The following KDM4B variants were observed in gnomAD, a reference collection of about 807,000 sequenced individuals.
KDM4B encodes lysine-specific demethylase 4B.
Under a neutral mutation model 125.2 loss-of-function variants are expected in KDM4B, and 32 were observed. That is an observed-to-expected ratio of 0.26 (90% CI 0.19 to 0.34). KDM4B has a LOEUF of 0.34. Among genes scored for constraint, KDM4B ranks in the 10% least tolerant of loss-of-function variants. The probability of loss-of-function intolerance (pLI) is 1.00; values close to 1 mark genes in which losing one functional copy is unlikely to be tolerated. For synonymous variants in KDM4B, 721 were observed against 677.9 expected, an observed-to-expected ratio of 1.06 and a Z score of -0.99; for missense variants, 1,190 against 1,577.7, an observed-to-expected ratio of 0.75 and a Z score of 4.16.
At chr19:5,134,689 C>T (rs187365385) in intron 14 of KDM4B, among the ~76,000 whole-genome samples, 305 of 152,342 alleles carry the variant, frequency 2.0e-3, no homozygotes, top group Non-Finnish European at 2.6e-3. Context: ...TAGCCCCATG[C>T]CAAGCATGTC....
intron 1 of KDM4B, among the ~76,000 whole-genome samples, chr19:4,990,546 T>C (rs1250655777): frequency 6.6e-6 from 1 of 152,080 alleles, no homozygotes; most frequent in Non-Finnish European, 1.5e-5. Context: ...GGAGAGCTCA[T>C]CTAGAGGTCA....
At chr19:5,003,676 G>A (rs1311616035) in intron 1 of KDM4B, among the ~76,000 whole-genome samples, 1 of 152,060 alleles carries the variant, frequency 6.6e-6, no homozygotes, top group Non-Finnish European at 1.5e-5. Flanking sequence ...GGGCATGGTG[G>A]TGGGCGCCTG....
chr19:4,970,287 T>G (rs555561902), intron 1 of KDM4B, among the ~76,000 whole-genome samples: 14 of 152,358 alleles, frequency 9.2e-5, no homozygotes, highest in African/African-American at 3.4e-4. Flanking sequence ...GCTTCTGTTT[T>G]AATAATTTAC....
chr19:5,100,647 C>T (rs1047513779), intron 9 of KDM4B, among the ~76,000 whole-genome samples: 1 of 152,110 alleles, frequency 6.6e-6, no homozygotes, highest in African/African-American at 2.4e-5. Flanking sequence ...TTGAACTGAC[C>T]TCAAGTGATC....
intron 1 of KDM4B, among the ~76,000 whole-genome samples, chr19:5,002,066 C>T (rs780966806): frequency 1.2e-4 from 18 of 151,424 alleles, no homozygotes; most frequent in Admixed American, 5.3e-4. Context: ...GGCACAATCT[C>T]AGCTCATTGC....
chr19:5,119,275 T>G (rs1042388895), intron 10 of KDM4B: 18 of 1,194,590 alleles, frequency 1.5e-5, no homozygotes, highest in Non-Finnish European at 2.1e-5. Context: ...AGCTGCTGTT[T>G]CCCTCGGAGC....
chr19:5,004,216 AG>A (rs1450169723), intron 1 of KDM4B, among the ~76,000 whole-genome samples: 1 of 152,134 alleles, frequency 6.6e-6, no homozygotes, highest in Non-Finnish European at 1.5e-5. Context: ...TTCTGGGGGA[AG>A]GAGACTCGTG....
At position 5,089,078 on chromosome 19, in the gene KDM4B, C is replaced by T. The variant is rs532022551; in HGVS notation, c.918+6574C>T. ...GTGACAACGGATGGGGACGGGTTTTCTTTGGAGGATGAAAATGCTCTACCT... is the reference window on the plus strand; with the variant it reads ...GTGACAACGGATGGGGACGGGTTTTTTTTGGAGGATGAAAATGCTCTACCT... On this transcript the variant is annotated intron_variant, in intron 9 of 22. Coordinates refer to ENST00000159111, the MANE Select transcript of KDM4B (RefSeq NM_015015.3). 4.1e-4 allele frequency among the ~76,000 whole-genome samples: 63 copies of T among 152,240 alleles called. 1 individual carries two copies. The South Asian group carries it at 0.012, about 29-fold the overall frequency.
intron 11 of KDM4B, among the ~76,000 whole-genome samples, chr19:5,128,512 A>G (rs2039487537): frequency 6.6e-6 from 1 of 152,192 alleles, no homozygotes; most frequent in African/African-American, 2.4e-5. Context: ...GGCAGGCGCT[A>G]TCATGGACGA....
chr19:5,144,172 C>T lies in KDM4B; in HGVS notation c.2736+20C>T, dbSNP rs1159189199. The T allele has an allele frequency of 1.3e-6, 2 of 1,592,990 alleles. No homozygotes were observed. The highest frequency in any genetic ancestry group is 8.6e-7 in the Non-Finnish European group (1 of 1,165,398). On this transcript the variant is annotated intron_variant, in intron 19 of 22. Coordinates refer to ENST00000159111, the MANE Select transcript of KDM4B (RefSeq NM_015015.3). ...CACGCTGTGAGTGCCTGCCCGCCTCCTTGCCCCCAGCCCCTGGCTCCCGCC... is the reference window on the plus strand; with the variant it reads ...CACGCTGTGAGTGCCTGCCCGCCTCTTTGCCCCCAGCCCCTGGCTCCCGCC...
chr19:5,026,062 T>C (rs1599443831), intron 2 of KDM4B, among the ~76,000 whole-genome samples: 1 of 150,874 alleles, frequency 6.6e-6, no homozygotes, highest in African/African-American at 2.4e-5. Flanking sequence ...TTTGTATTTT[T>C]AGTAGAGATG....
At chr19:4,987,968 C>T (rs2034897542) in intron 1 of KDM4B, among the ~76,000 whole-genome samples, 1 of 152,164 alleles carries the variant, frequency 6.6e-6, no homozygotes, top group Admixed American at 6.5e-5. Flanking sequence ...GGTTTCACGC[C>T]CCCAGCTCGG....
chr19:5,151,289 A>G, intron 22 of KDM4B, 46 bp from the exon 23 acceptor site: 1 of 1,407,112 alleles, frequency 7.1e-7, no homozygotes, highest in Non-Finnish European at 9.4e-7. Flanking sequence ...GGGGCCGCAC[A>G]GAGTGTCTCC....
chr19:5,056,792 G>A (rs970311722), intron 6 of KDM4B, among the ~76,000 whole-genome samples: 33 of 152,052 alleles, frequency 2.2e-4, no homozygotes, highest in African/African-American at 7.5e-4. Flanking sequence ...TGTGTCACTC[G>A]AGGAGTGTGG....
rs755972068 is a variant in KDM4B at position 5,133,983 on chromosome 19, C to T, written c.2007C>T (p.Ala669=). ...AGAACAGGGCGGCCAGCTTCCAGGC[C>T]GAGAGGAAGTTCAACGCAGCGGCTG... ...QWKNRAASFQ[A]ERKFNAAAAR... The change falls in exon 14 of 23, where the codon GCC becomes GCT. Residue 669 remains alanine, a synonymous_variant. Coordinates refer to ENST00000159111, the MANE Select transcript of KDM4B (RefSeq NM_015015.3). The T allele has an allele frequency of 7.4e-6, 12 of 1,612,596 alleles. No individual in the cohort carries two copies. Among genetic ancestry groups the T allele is most frequent in the East Asian group, 4.5e-5 (2 of 44,876 alleles).
At chr19:5,145,535 C>A (rs1408476312) in intron 21 of KDM4B, among the ~76,000 whole-genome samples, 1 of 151,300 alleles carries the variant, frequency 6.6e-6, no homozygotes, top group Non-Finnish European at 1.5e-5. Context: ...GAGCCGAGAT[C>A]ACACCACTGC....
rs779358176 is a variant in KDM4B, at chr19:4,997,270, C to T, written c.-108-18987C>T. Among the ~76,000 whole-genome samples the T allele has an allele frequency of 4.1e-4, 62 of 152,110 alleles. No individual in the cohort carries two copies. Among genetic ancestry groups the T allele is most frequent in the Admixed American group, 6.5e-5 (1 of 15,276 alleles). ...TAGTTTTATTTTTGGTGCGTTGTTA[C>T]ATAGGATGTTTTCAAGTTGCCTGAT... On this transcript the variant is annotated intron_variant, in intron 1 of 22. Coordinates refer to ENST00000159111, the MANE Select transcript of KDM4B (RefSeq NM_015015.3). This position sits in a 1 kb window ranked among gnomAD's most constrained non-coding sequence, Gnocchi z 4.2.
intron 9 of KDM4B, among the ~76,000 whole-genome samples, chr19:5,093,699 C>T (rs1029794862): frequency 4.6e-5 from 7 of 152,184 alleles, no homozygotes; most frequent in African/African-American, 1.7e-4. Context: ...GACAGATGGT[C>T]GAGATGGCTG....
rs376425769 is a variant in KDM4B at position 5,133,830 on chromosome 19, C to T, written c.1907-53C>T. 8.3e-5 allele frequency: 131 copies of T among 1,585,846 alleles called. 1 individual carries two copies. The highest frequency in any genetic ancestry group is 7.4e-4 in the African/African-American group (55 of 74,134). On this transcript the variant is annotated intron_variant, in intron 13 of 22. Coordinates refer to ENST00000159111, the MANE Select transcript of KDM4B (RefSeq NM_015015.3). ...TGGGCAGTTGGGGTGATTCCTTGGACGAGTTTTTAGGGGGCTCAAGTGTCT... is the reference window on the plus strand; with the variant it reads ...TGGGCAGTTGGGGTGATTCCTTGGATGAGTTTTTAGGGGGCTCAAGTGTCT...
Sources: allele counts gnomAD v4.1 joint callset (sites outside exome capture counted in the v4.1 genomes callset), GRCh38; gene constraint gnomAD v4.1.1; non-coding constraint Gnocchi (gnomAD v3.1); transcripts MANE v1.5; gene names NCBI Gene and HGNC (gene_info 2026-07-23, HGNC 2026-07-21).